The following SELP variants were observed in gnomAD, a reference collection of about 807,000 sequenced individuals.
The protein encoded by SELP is P-selectin.
In SELP, 92 loss-of-function variants were observed where a neutral mutation model predicts 104.1. The observed-to-expected ratio is 0.88, with a 90% CI of 0.75 to 1.05. The LOEUF is 1.05. Among genes scored for constraint, SELP ranks in the 50% least tolerant of loss-of-function variants. SELP has a pLI of 0.00. For synonymous variants in SELP, 397 were observed against 364.5 expected, an observed-to-expected ratio of 1.09 and a Z score of -1.01; for missense variants, 1,022 against 1,017.3, an observed-to-expected ratio of 1.00 and a Z score of -0.06.
chr1:169,595,065 G>A (rs1661534942), intron 12 of SELP, among the ~76,000 whole-genome samples, 188 bp from the exon 13 acceptor site: 1 of 152,034 alleles, frequency 6.6e-6, no homozygotes, highest in Non-Finnish European at 1.5e-5. Flanking sequence ...TCTCTCGAAG[G>A]GTGATATCCA....
At chr1:169,605,502 G>A (rs1662141523) in intron 9 of SELP, among the ~76,000 whole-genome samples, 1 of 151,880 alleles carries the variant, frequency 6.6e-6, no homozygotes, top group Admixed American at 6.6e-5. Context: ...GTGTGTGTGT[G>A]TGTATGTGAT....
intron 2 of SELP, among the ~76,000 whole-genome samples, chr1:169,618,927 C>T (rs1210196270): frequency 6.6e-6 from 1 of 152,162 alleles, no homozygotes; most frequent in African/African-American, 2.4e-5. Context: ...TACATTCGTC[C>T]TGGATATATC....
At chr1:169,612,585 A>G (rs190508158) in intron 5 of SELP, among the ~76,000 whole-genome samples, 183 bp from the exon 6 acceptor site, 49 of 152,306 alleles carry the variant, frequency 3.2e-4, no homozygotes, top group Admixed American at 1.4e-3. Flanking sequence ...TTTTTCATGT[A>G]GAGAAGTTAG....
At chr1:169,613,821 A>C (rs918531875) in intron 3 of SELP, 128 bp from the exon 4 acceptor site, 1 of 718,008 alleles carries the variant, frequency 1.4e-6, no homozygotes, top group Admixed American at 2.1e-5. Flanking sequence ...AGGGAAGCAC[A>C]GTATCTTCTA....
intron 1 of SELP, among the ~76,000 whole-genome samples, chr1:169,621,817 CAG>C (rs1663150110): frequency 6.6e-6 from 1 of 152,130 alleles, no homozygotes; most frequent in Admixed American, 6.5e-5. Flanking sequence ...GCACAAAATG[CAG>C]AGTGATCGAT....
chr1:169,595,549 A>G (rs187225074), intron 12 of SELP, among the ~76,000 whole-genome samples: 4 of 152,272 alleles, frequency 2.6e-5, no homozygotes, highest in Non-Finnish European at 5.9e-5. Context: ...TTAACTTTTT[A>G]TTTAGGTTCA....
intron 10 of SELP, among the ~76,000 whole-genome samples, chr1:169,599,139 T>A (rs921996915): frequency 6.6e-6 from 1 of 152,064 alleles, no homozygotes; most frequent in African/African-American, 2.4e-5. Flanking sequence ...GGTTTACCTG[T>A]TTGAGGGGCA....
At chr1:169,624,663 C>A (rs756305691) in intron 1 of SELP, among the ~76,000 whole-genome samples, 2 of 152,106 alleles carry the variant, frequency 1.3e-5, no homozygotes, top group African/African-American at 4.8e-5. Context: ...GCAGGAGAAT[C>A]GCTTGAACCC....
At chr1:169,593,031 T>C (rs1661422155) in intron 14 of SELP, among the ~76,000 whole-genome samples, 1 of 152,204 alleles carries the variant, frequency 6.6e-6, no homozygotes, top group Admixed American at 6.5e-5. Context: ...CAGTCTGGTT[T>C]AGGCATCCCT....
At chr1:169,603,391 G>C (rs552465283) in intron 9 of SELP, among the ~76,000 whole-genome samples, 180 bp from the exon 10 acceptor site, 1 of 151,168 alleles carries the variant, frequency 6.6e-6, no homozygotes, top group South Asian at 2.1e-4. Context: ...GTGATTGTTT[G>C]AATTTCATGA....
At chr1:169,619,523 G>T (rs1662987457) in intron 1 of SELP, among the ~76,000 whole-genome samples, 1 of 152,186 alleles carries the variant, frequency 6.6e-6, no homozygotes, top group East Asian at 1.9e-4. Context: ...ATGGAAGAAA[G>T]CTAAACACAT....
At chr1:169,621,103 G>GTTCATGTATCA (rs1663101523) in intron 1 of SELP, among the ~76,000 whole-genome samples, 1 of 149,132 alleles carries the variant, frequency 6.7e-6, no homozygotes. Context: ...TTGTGTGTGT[G>GTTCATGTATCA]TGTGTGTGTG....
chr1:169,597,283 A>G lies in SELP; in HGVS notation c.1706-107T>C, dbSNP rs1349930186. The G allele has an allele frequency of 5.0e-6, 5 of 993,110 alleles. No homozygotes were observed. The African/African-American group carries it at 8.5e-5, about 17-fold the overall frequency. 61.5% of individuals were successfully genotyped at this position (993,110 alleles called of 1,614,324 possible). ...TTCAAAAAATATTTATTAAGCACCTATATTCCAGGTATTTTGCTAGGCAGC... is the reference window on the plus strand; with the variant it reads ...TTCAAAAAATATTTATTAAGCACCTGTATTCCAGGTATTTTGCTAGGCAGC... On this transcript the variant is annotated intron_variant, in intron 10 of 16. Coordinates refer to ENST00000263686, the MANE Select transcript of SELP (RefSeq NM_003005.4).
At chr1:169,591,776 A>G (rs990783646) in intron 14 of SELP, among the ~76,000 whole-genome samples, 3 of 152,170 alleles carry the variant, frequency 2.0e-5, no homozygotes, top group Non-Finnish European at 4.4e-5. Context: ...AATCACATAC[A>G]TGAATCCAAA....
intron 10 of SELP, among the ~76,000 whole-genome samples, chr1:169,598,703 G>C (rs1661751236): frequency 1.3e-5 from 2 of 152,144 alleles, no homozygotes; most frequent in African/African-American, 4.8e-5. Flanking sequence ...TTAAACTGAA[G>C]AATATGTATA....
intron 10 of SELP, among the ~76,000 whole-genome samples, chr1:169,600,947 G>T (rs980264627): frequency 1.3e-5 from 2 of 152,202 alleles, no homozygotes; most frequent in African/African-American, 4.8e-5. Context: ...GATGGGGCCT[G>T]CAAAGTGGGA....
chr1:169,595,800 C>A, intron 12 of SELP, 125 bp downstream of exon 12: 1 of 790,902 alleles, frequency 1.3e-6, no homozygotes, highest in Non-Finnish European at 2.1e-6. Context: ...GTGTGGATTT[C>A]ATAAGGGAGA....
chr1:169,609,530 C>CA lies in SELP; in HGVS notation c.1306dup (p.Trp436LeufsTer21). On this transcript the variant is annotated frameshift_variant, in exon 8 of 17. Transcript: ENST00000263686. LOFTEE classifies it high-confidence loss of function. ...TTGACAGACTGGGGCTGGTGCTGTCCACTGTCCCAAGTTATCACACCGAAC... is the reference window on the plus strand; with the variant it reads ...TTGACAGACTGGGGCTGGTGCTGTCCAACTGTCCCAAGTTATCACACCGAAC... 1 of 1,613,724 alleles carries CA rather than the reference C, an allele frequency of 6.2e-7. No homozygotes were observed. The highest frequency in any genetic ancestry group is 1.7e-5 in the Admixed American group (1 of 59,968).
At chr1:169,616,757 C>G (rs544344736) in intron 3 of SELP, among the ~76,000 whole-genome samples, 22 of 152,296 alleles carry the variant, frequency 1.4e-4, no homozygotes, top group African/African-American at 4.1e-4. Context: ...GAAACTAAAA[C>G]CTCGTGAGTG....
Sources: allele counts gnomAD v4.1 joint callset (sites outside exome capture counted in the v4.1 genomes callset), GRCh38; gene constraint gnomAD v4.1.1; transcripts MANE v1.5; gene names NCBI Gene and HGNC (gene_info 2026-07-23, HGNC 2026-07-21).